The following NLRP1 variants were observed in gnomAD, a reference collection of about 807,000 sequenced individuals.
The protein encoded by NLRP1 is NACHT, LRR and PYD domains-containing protein 1.
Under a neutral mutation model 136.7 loss-of-function variants are expected in NLRP1, and 94 were observed. The observed-to-expected ratio is 0.69, with a 90% CI of 0.58 to 0.82. NLRP1 has a LOEUF of 0.82. Among genes scored for constraint, NLRP1 ranks in the 40% least tolerant of loss-of-function variants. The pLI is 0.00. For synonymous variants in NLRP1, 690 were observed against 725.1 expected, an observed-to-expected ratio of 0.95 and a Z score of 0.78; for missense variants, 1,575 against 1,802.7, an observed-to-expected ratio of 0.87 and a Z score of 2.29.
intron 3 of NLRP1, among the ~76,000 whole-genome samples, chr17:5,579,346 C>T (rs1905338661): frequency 6.7e-6 from 1 of 148,270 alleles, no homozygotes; most frequent in Non-Finnish European, 1.5e-5. Flanking sequence ...AAAAAGAGAC[C>T]TTCTCTGGAA....
chr17:5,540,296 G>C (rs1213688549), intron 6 of NLRP1, among the ~76,000 whole-genome samples: 6 of 152,220 alleles, frequency 3.9e-5, no homozygotes, highest in Admixed American at 2.0e-4. Context: ...ATAAAGCAAA[G>C]TGCAGGGCAG....
intron 3 of NLRP1, 139 bp downstream of exon 3, chr17:5,581,720 G>T: frequency 2.6e-6 from 2 of 776,204 alleles, no homozygotes. Context: ...AGGCTCCAAG[G>T]GTGGGATTTC....
At chr17:5,556,508 A>G (rs1475206603) in intron 4 of NLRP1, among the ~76,000 whole-genome samples, 1 of 151,950 alleles carries the variant, frequency 6.6e-6, no homozygotes, top group East Asian at 1.9e-4. Flanking sequence ...TCACAAGAAG[A>G]TAGCCTTGAT....
chr17:5,562,339 C>T lies in NLRP1; in HGVS notation c.653-2296G>A, dbSNP rs547881837. On this transcript the variant is annotated intron_variant, in intron 3 of 16. Transcript: ENST00000572272. ...TTATCACTGACAGAGGTGAGATGTCCGAGTTTGTAGGCTGGTGGAGGAGTG... is the reference window on the plus strand; with the variant it reads ...TTATCACTGACAGAGGTGAGATGTCTGAGTTTGTAGGCTGGTGGAGGAGTG... 9.8e-5 allele frequency among the ~76,000 whole-genome samples: 15 copies of T among 152,340 alleles called. No homozygotes were observed. The East Asian group carries it at 2.7e-3, about 27-fold the overall frequency.
At chr17:5,542,766 CCTT>C (rs2151776872) in intron 5 of NLRP1, among the ~76,000 whole-genome samples, 1 of 125,876 alleles carries the variant, frequency 7.9e-6, no homozygotes, top group African/African-American at 2.9e-5. Flanking sequence ...TCCTCTTTCT[CCTT>C]CCTTCCTCCC....
intron 11 of NLRP1, among the ~76,000 whole-genome samples, chr17:5,531,648 G>A (rs1291687104): frequency 6.6e-6 from 1 of 152,206 alleles, no homozygotes; most frequent in Non-Finnish European, 1.5e-5. Context: ...TTCTGTAGGT[G>A]TGAGCTGGGA....
At chr17:5,548,245 G>T (rs575341420) in intron 5 of NLRP1, among the ~76,000 whole-genome samples, 2 of 152,284 alleles carry the variant, frequency 1.3e-5, no homozygotes, top group South Asian at 4.1e-4. Context: ...CTATTTCTCA[G>T]AGAAAAATGA....
At chr17:5,531,314 T>C (rs898653826) in intron 11 of NLRP1, among the ~76,000 whole-genome samples, 9 of 152,128 alleles carry the variant, frequency 5.9e-5, no homozygotes, top group African/African-American at 2.2e-4. Context: ...ATCCCTGGCT[T>C]AGGCAATTCT....
At position 5,517,827 on chromosome 17, in the gene NLRP1, C is replaced by T; in HGVS notation, c.3976G>A (p.Gly1326Ser). The change falls in exon 15 of 17, where the codon GGC becomes AGC. Residue 1326 changes from glycine to serine, a missense_variant. Coordinates refer to ENST00000572272, the MANE Select transcript of NLRP1 (RefSeq NM_033004.4). Reference sequence around the variant, plus strand: ...AGCCTGATCCCTGATCCCAAGTGGCCAACGTAGAACTCCGAGAACAGCTGG... The same window carrying T: ...AGCCTGATCCCTGATCCCAAGTGGCTAACGTAGAACTCCGAGAACAGCTGG... The part of the protein sequence containing the change: ...EDQLFSEFYV[G>S]HLGSGIRLQV... The T allele has an allele frequency of 6.2e-7, 1 of 1,614,152 alleles. No individual in the cohort carries two copies. The highest frequency in any genetic ancestry group is 8.5e-7 in the Non-Finnish European group (1 of 1,179,994).
chr17:5,584,101 C>T lies in NLRP1; in HGVS notation c.-144G>A, dbSNP rs1375531326. ...GAACCCAGTTTTATAAATCCCAGGG[C>T]ACCTACAGATAGACGCCGATAGAGG... On this transcript the variant is annotated 5_prime_UTR_variant, in exon 1 of 17. Coordinates refer to ENST00000572272, the MANE Select transcript of NLRP1 (RefSeq NM_033004.4). 1.3e-6 allele frequency: 1 copy of T among 796,500 alleles called. No individual in the cohort carries two copies. Among genetic ancestry groups the T allele is most frequent in the Non-Finnish European group, 1.9e-6 (1 of 514,162 alleles). The allele number at this position is 796,500 out of a possible 1,614,324, so 49.3% of individuals were successfully genotyped here. A position where few individuals can be genotyped will look rare whatever the true frequency, so the allele number is the denominator to read the frequency against.
Position 5,532,965 on chromosome 17 carries a change from T to C in NLRP1, c.3153A>G (p.Val1051=), listed in dbSNP as rs202226497. The change falls in exon 11 of 17, where the codon GTA becomes GTG. Residue 1051 remains valine, a synonymous_variant. Transcript: ENST00000572272. ...AEIAEESSPE[V]VPVELLCVPS... ...GCACGCACAAGAGTTCCACCGGTAC[T>C]ACCTCTGGGGAGCTTTCCTCTGAAA... 4.0e-5 allele frequency: 64 copies of C among 1,613,418 alleles called. No individual in the cohort carries two copies. In the Middle Eastern group the frequency reaches 5.0e-4, roughly 12 times the overall value.
intron 6 of NLRP1, among the ~76,000 whole-genome samples, chr17:5,539,945 GTC>G (rs1911651138): frequency 6.6e-6 from 1 of 152,134 alleles, no homozygotes; most frequent in South Asian, 2.1e-4. Context: ...CTCACTCTGT[GTC>G]CCAGGCCTCC....
intron 13 of NLRP1, 70 bp from the exon 14 acceptor site, chr17:5,521,082 T>C (rs1196604105): frequency 2.1e-6 from 3 of 1,450,086 alleles, no homozygotes; most frequent in Non-Finnish European, 1.9e-6. Context: ...ATAGGGGGGA[T>C]GGTGCATCTG....
intron 3 of NLRP1, 101 bp downstream of exon 3, chr17:5,581,758 A>G: frequency 1.0e-6 from 1 of 958,770 alleles, no homozygotes; most frequent in Non-Finnish European, 1.7e-6. Context: ...TGTTTTCCAG[A>G]ACCTCTGCTT....
At chr17:5,503,477 C>T (rs1478332164) in intron 15 of NLRP1, 1 of 152,224 alleles carries the variant, frequency 6.6e-6, no homozygotes, top group Non-Finnish European at 1.5e-5. Context: ...AAATCCGGAG[C>T]TCAGACAGCA....
intron 3 of NLRP1, among the ~76,000 whole-genome samples, chr17:5,560,441 T>C (rs1597461395): frequency 6.6e-6 from 1 of 152,224 alleles, no homozygotes; most frequent in African/African-American, 2.4e-5. Context: ...CATGGAGGAC[T>C]GGAGGAGACA....
At chr17:5,556,310 G>A (rs368925060) in intron 4 of NLRP1, among the ~76,000 whole-genome samples, 104 of 151,910 alleles carry the variant, frequency 6.8e-4, no homozygotes, top group Middle Eastern at 3.4e-3. Flanking sequence ...AAAAATTATC[G>A]CTGCATGTTG....
At chr17:5,539,356 C>T in intron 7 of NLRP1, 59 bp downstream of exon 7, 1 of 1,504,166 alleles carries the variant, frequency 6.6e-7, no homozygotes, top group Non-Finnish European at 8.9e-7. Context: ...TTTCCATCCC[C>T]TGTCCGATAC....
Position 5,514,444 on chromosome 17 carries a change from G to A in NLRP1, c.*310C>T, listed in dbSNP as rs140956554. On this transcript the variant is annotated 3_prime_UTR_variant, in exon 17 of 17. Transcript: ENST00000572272. Reference sequence around the variant, plus strand: ...CCATGTCCCTCCTATTCCTCTTTGCGCCTGGATGGGATCCGGAGGGCTCTA... The same window carrying A: ...CCATGTCCCTCCTATTCCTCTTTGCACCTGGATGGGATCCGGAGGGCTCTA... 1.7e-4 allele frequency: 208 copies of A among 1,209,116 alleles called. No individual in the cohort carries two copies. In the African/African-American group the frequency reaches 2.1e-3, roughly 12 times the overall value. The allele number at this position is 1,209,116 out of a possible 1,614,324, so 74.9% of individuals were successfully genotyped here.
Sources: gnomAD v4.1 joint callset for allele counts (sites outside exome capture counted in the v4.1 genomes callset) on GRCh38, gnomAD v4.1.1 for gene constraint, MANE v1.5 for transcripts, NCBI Gene and HGNC (gene_info 2026-07-23, HGNC 2026-07-21) for gene names.